COLEC12: variants seen among roughly 807,000 people sequenced by gnomAD.
COLEC12 encodes the protein collectin-12.
A neutral mutation model predicts 71.1 loss-of-function variants in COLEC12; 33 were observed. The observed-to-expected ratio is 0.46, with a 90% CI of 0.35 to 0.62. The LOEUF (loss-of-function observed/expected upper bound fraction) is 0.62. COLEC12 is among the 20% of genes least tolerant of loss of function. The probability of loss-of-function intolerance (pLI) is 0.00; values close to 1 mark genes in which losing one functional copy is unlikely to be tolerated. For synonymous variants in COLEC12, 350 were observed against 353.0 expected, an observed-to-expected ratio of 0.99 and a Z score of 0.10; for missense variants, 765 against 916.1, an observed-to-expected ratio of 0.84 and a Z score of 2.13.
chr18:329,211 A>T (rs1913914757), intron 8 of COLEC12, among the ~76,000 whole-genome samples: 1 of 152,156 alleles, frequency 6.6e-6, no homozygotes, highest in Non-Finnish European at 1.5e-5. Context: ...ACATTGGGAG[A>T]GCTGGCATAG....
rs560852919 is a variant in COLEC12, at chr18:432,534, A to G, written c.58+48173T>C. Among the ~76,000 whole-genome samples the G allele has an allele frequency of 3.9e-5, 6 of 152,314 alleles. No individual in the cohort carries two copies. The South Asian group carries it at 1.0e-3, about 26-fold the overall frequency. ...AAATTCATTCCAACCTAATTGATAC[A>G]TTAGGGAAAAATTTGGGTGTATCAT... is the stretch of plus-strand genomic sequence containing the variant. On this transcript the variant is annotated intron_variant, in intron 2 of 9. Coordinates refer to ENST00000400256, the MANE Select transcript of COLEC12 (RefSeq NM_130386.3).
rs529586582 is a variant in COLEC12 at position 458,728 on chromosome 18, A to C, written c.58+21979T>G. 4.6e-5 allele frequency among the ~76,000 whole-genome samples: 7 copies of C among 152,356 alleles called. No individual in the cohort carries two copies. In the East Asian group the frequency reaches 1.3e-3, roughly 29 times the overall value. Reference sequence around the variant, plus strand: ...CCTTAGGATCACAGATTCTGTCTCTATATGATCACTCCTCAAGACTTCTCT... The same window carrying C: ...CCTTAGGATCACAGATTCTGTCTCTCTATGATCACTCCTCAAGACTTCTCT... On this transcript the variant is annotated intron_variant, in intron 2 of 9. Transcript: ENST00000400256.
intron 5 of COLEC12, 127 bp from the exon 6 acceptor site, chr18:335,357 G>A: frequency 9.8e-7 from 1 of 1,016,190 alleles, no homozygotes; most frequent in South Asian, 1.7e-5. Context: ...AGCAGGGAAA[G>A]ACCATCTGTT....
chr18:355,055 C>CCATG (rs1288339386), intron 3 of COLEC12, among the ~76,000 whole-genome samples: 1 of 150,936 alleles, frequency 6.6e-6, no homozygotes, highest in Admixed American at 6.6e-5. Flanking sequence ...ATGCATCCAT[C>CCATG]CATCCATCCA....
chr18:497,390 GT>G (rs1917733186), intron 1 of COLEC12, among the ~76,000 whole-genome samples: 1 of 98,988 alleles, frequency 1.0e-5, no homozygotes, highest in African/African-American at 4.8e-5. Context: ...TGGGGTGTGT[GT>G]GTGTGTGTGT....
intron 2 of COLEC12, among the ~76,000 whole-genome samples, chr18:406,540 A>AAAAAAAAAAAAAAAAG (rs1915793417): frequency 1.4e-5 from 2 of 145,914 alleles, no homozygotes; most frequent in African/African-American, 5.1e-5. Flanking sequence ...AAAAAAAAAA[A>AAAAAAAAAAAAAAAAG]GGGCAACCAG....
intron 1 of COLEC12, among the ~76,000 whole-genome samples, chr18:499,326 C>T (rs1175835204): frequency 1.3e-5 from 2 of 152,188 alleles, no homozygotes; most frequent in Non-Finnish European, 2.9e-5. Flanking sequence ...CGAGGTCTCC[C>T]GACGTGGACA....
At chr18:370,397 G>A (rs897029627) in intron 2 of COLEC12, among the ~76,000 whole-genome samples, 1 of 152,088 alleles carries the variant, frequency 6.6e-6, no homozygotes, top group African/African-American at 2.4e-5. Context: ...CTGGTTAAAC[G>A]GGCTTAAAGA....
At chr18:348,342 A>G (rs1262640544) in intron 3 of COLEC12, among the ~76,000 whole-genome samples, 179 bp from the exon 4 acceptor site, 1 of 152,260 alleles carries the variant, frequency 6.6e-6, no homozygotes, top group Non-Finnish European at 1.5e-5. Flanking sequence ...TACTTGTCAC[A>G]AAACCCAGGG....
At chr18:426,006 C>A (rs572385264) in intron 2 of COLEC12, among the ~76,000 whole-genome samples, 1 of 152,294 alleles carries the variant, frequency 6.6e-6, no homozygotes, top group East Asian at 1.9e-4. Flanking sequence ...TGCAGTGAAT[C>A]TTAAATATAT....
intron 2 of COLEC12, among the ~76,000 whole-genome samples, chr18:475,958 G>A (rs780354493): frequency 6.6e-6 from 1 of 152,150 alleles, no homozygotes; most frequent in Non-Finnish European, 1.5e-5. Flanking sequence ...GCACCGTGTG[G>A]GCCAAACTGT....
At chr18:361,203 C>T (rs4329985) in intron 2 of COLEC12, among the ~76,000 whole-genome samples, 11 of 152,134 alleles carry the variant, frequency 7.2e-5, no homozygotes, top group Non-Finnish European at 1.2e-4. Context: ...CACACAGCAT[C>T]TCTAATCCAT....
chr18:350,264 TTTCCAC>T (rs1421919831), intron 3 of COLEC12, among the ~76,000 whole-genome samples: 1 of 152,096 alleles, frequency 6.6e-6, no homozygotes, highest in Non-Finnish European at 1.5e-5. Flanking sequence ...ATCTGATGGG[TTTCCAC>T]TTTTTCATCT....
In COLEC12 at chr18:431,163, AT is replaced by A. The variant is rs879686531; in HGVS notation, c.58+49543del. On this transcript the variant is annotated intron_variant, in intron 2 of 9. Coordinates refer to ENST00000400256, the MANE Select transcript of COLEC12 (RefSeq NM_130386.3). ...AGGTAAGTGCCACCACACTCAGCTA[AT>A]TTTTTTTTTTTTTCCTTTGGTAGAG... 5.0e-3 allele frequency among the ~76,000 whole-genome samples: 704 copies of A among 141,912 alleles called. 1 individual carries two copies. The highest frequency in any genetic ancestry group is 6.6e-3 in the Admixed American group (93 of 14,068). 93.1% of individuals were successfully genotyped at this position (141,912 alleles called of 152,430 possible). A position where few individuals can be genotyped will look rare whatever the true frequency, so the allele number is the denominator to read the frequency against.
Position 395,458 on chromosome 18 carries a change from C to T in COLEC12, c.59-37936G>A, listed in dbSNP as rs550190443. ...AGAGAGTGTACTAACTCAACCCCTG[C>T]GAGCACTGGACCTTTTGGAGTTTCT... On this transcript the variant is annotated intron_variant, in intron 2 of 9. Transcript: ENST00000400256. Among the ~76,000 whole-genome samples, 11 of 152,278 alleles carry T rather than the reference C, an allele frequency of 7.2e-5. No individual in the cohort carries two copies. The East Asian group carries it at 1.3e-3, about 19-fold the overall frequency.
intron 2 of COLEC12, among the ~76,000 whole-genome samples, chr18:403,713 G>T (rs908453293): frequency 6.6e-6 from 1 of 152,288 alleles, no homozygotes; most frequent in Admixed American, 6.5e-5. Flanking sequence ...GCAGAGTTGA[G>T]GAAATGGTCC....
chr18:384,007 G>A (rs905483312), intron 2 of COLEC12, among the ~76,000 whole-genome samples: 2 of 152,096 alleles, frequency 1.3e-5, no homozygotes, highest in African/African-American at 4.8e-5. Flanking sequence ...CAGTATCGGG[G>A]AAACCGCCCC....
chr18:434,581 T>C (rs544162029), intron 2 of COLEC12, among the ~76,000 whole-genome samples: 258 of 152,338 alleles, frequency 1.7e-3, no homozygotes, highest in African/African-American at 5.9e-3. Context: ...CAGTTCTTTG[T>C]CACTGTCCTC....
intron 2 of COLEC12, among the ~76,000 whole-genome samples, chr18:402,122 A>G (rs1915699194): frequency 6.6e-6 from 1 of 152,198 alleles, no homozygotes; most frequent in Non-Finnish European, 1.5e-5. Context: ...GAAGCAAAGC[A>G]GCCAAAGCAG....
Sources: allele counts gnomAD v4.1 joint callset (sites outside exome capture counted in the v4.1 genomes callset), GRCh38; gene constraint gnomAD v4.1.1; transcripts MANE v1.5; gene names NCBI Gene and HGNC (gene_info 2026-07-23, HGNC 2026-07-21).